Variants in TMEM71 observed in about 807,000 individuals in gnomAD.
TMEM71 encodes transmembrane protein 71.
A neutral mutation model predicts 38.0 loss-of-function variants in TMEM71; 44 were observed. That is an observed-to-expected ratio of 1.16 (90% CI 0.91 to 1.49). TMEM71 has a LOEUF of 1.49. Among genes scored for constraint, TMEM71 ranks in the 40% most tolerant of loss-of-function variants. The probability of loss-of-function intolerance (pLI) is 0.00; values close to 1 mark genes in which losing one functional copy is unlikely to be tolerated. For synonymous variants in TMEM71, 133 were observed against 122.5 expected (o/e 1.09, Z -0.56); for missense variants, 367 against 348.6 (o/e 1.05, Z -0.42).
At chr8:132,758,556 A>C (rs1829158389) in intron 2 of TMEM71, 1 of 350,880 alleles carries the variant, frequency 2.8e-6, no homozygotes, top group Non-Finnish European at 5.1e-6. Context: ...ACAGTTTTGC[A>C]TCTTAATAGT....
chr8:132,752,049 C>G, intron 3 of TMEM71, 52 bp from the exon 4 acceptor site: 2 of 1,433,650 alleles, frequency 1.4e-6, no homozygotes, highest in Non-Finnish European at 2.0e-6. Context: ...ACATCCAGTC[C>G]CAAATAAACC....
At chr8:132,759,099 A>G (rs1335270514) in intron 1 of TMEM71, among the ~76,000 whole-genome samples, 184 bp from the exon 2 acceptor site, 1 of 152,194 alleles carries the variant, frequency 6.6e-6, no homozygotes, top group Non-Finnish European at 1.5e-5. Flanking sequence ...TGCCTCTATG[A>G]CTGAACATTT....
chr8:132,767,478 G>GT, the TMEM71 span, among the ~76,000 whole-genome samples: 39,563 of 137,434 alleles, frequency 0.29, 6,256 homozygotes, highest in South Asian at 0.46. Flanking sequence ...TACCTCTTTG[G>GT]TTTTTTTTTT....
At chr8:132,771,711 T>C in the TMEM71 span, among the ~76,000 whole-genome samples, 2 of 152,240 alleles carry the variant, frequency 1.3e-5, no homozygotes, top group East Asian at 1.9e-4. Context: ...TCCTTAGAGT[T>C]GGCTCATTCT....
intron 6 of TMEM71, among the ~76,000 whole-genome samples, chr8:132,724,052 A>G (rs760200976): frequency 6.6e-6 from 1 of 152,210 alleles, no homozygotes; most frequent in Non-Finnish European, 1.5e-5. Context: ...AACAGCAAGT[A>G]GGTCACAAAG....
At chr8:132,711,327 T>C (rs1040452351) in intron 9 of TMEM71, among the ~76,000 whole-genome samples, 1 of 152,176 alleles carries the variant, frequency 6.6e-6, no homozygotes, top group African/African-American at 2.4e-5. Flanking sequence ...GTATTTTAAT[T>C]GCACTTTAAG....
chr8:132,720,483 A>T (rs746195144), intron 7 of TMEM71, among the ~76,000 whole-genome samples: 1 of 152,224 alleles, frequency 6.6e-6, no homozygotes, highest in Non-Finnish European at 1.5e-5. Context: ...ATGGTCTTCC[A>T]GTTTGGGATA....
chr8:132,775,718 G>A, the TMEM71 span: 4 of 308,860 alleles, frequency 1.3e-5, no homozygotes, highest in South Asian at 4.8e-4. Context: ...CCCCATTCTG[G>A]TGTCTCTCTT....
At chr8:132,770,119 A>G in the TMEM71 span, among the ~76,000 whole-genome samples, 2 of 152,220 alleles carry the variant, frequency 1.3e-5, no homozygotes, top group African/African-American at 4.8e-5. Context: ...CTCTAAAATC[A>G]AACACCTACA....
intron 5 of TMEM71, among the ~76,000 whole-genome samples, chr8:132,728,855 G>A (rs751456459): frequency 3.3e-5 from 5 of 152,166 alleles, no homozygotes; most frequent in Admixed American, 2.0e-4. Flanking sequence ...GAGTGGCAGG[G>A]AAGAAAATAT....
intron 3 of TMEM71, 91 bp from the exon 4 acceptor site, chr8:132,752,088 A>C: frequency 9.7e-7 from 1 of 1,033,682 alleles, no homozygotes; most frequent in Non-Finnish European, 1.5e-6. Context: ...GGAAAATAAC[A>C]TCTTTGCATC....
At chr8:132,709,343 G>C (rs1432136750), downstream of TMEM71, among the ~76,000 whole-genome samples, 2 of 152,174 alleles carry the variant, frequency 1.3e-5, no homozygotes, top group African/African-American at 2.4e-5. Flanking sequence ...AAAGGCATGG[G>C]ACATATCCCA....
intron 3 of TMEM71, among the ~76,000 whole-genome samples, chr8:132,756,414 TATATATA>T (rs1829015754): frequency 8.2e-5 from 5 of 61,218 alleles, no homozygotes; most frequent in South Asian, 1.8e-3. Context: ...ATATATATTA[TATATATA>T]TATATATATA....
chr8:132,722,107 A>G lies in TMEM71; in HGVS notation c.685T>C (p.Leu229=). Residue 229 remains leucine (L), a synonymous_variant, in exon 7 of 10, where the codon TTG becomes CTG. Coordinates refer to ENST00000677595, the MANE Select transcript of TMEM71 (RefSeq NM_001382403.1). The stretch of plus-strand genomic sequence containing the variant: ...GCCTGAAAGAAGACCTCTTGCAACA[A>G]CCTGGTTTCTAATAGGAAGAACAAA... ...ENSSDHSETR[L]LQEVFFQAIL... The G allele has an allele frequency of 6.2e-7, 1 of 1,612,970 alleles. No homozygotes were observed. Among genetic ancestry groups the G allele is most frequent in the Non-Finnish European group, 8.5e-7 (1 of 1,179,042 alleles).
At chr8:132,752,367 C>G (rs1215128691) in intron 3 of TMEM71, among the ~76,000 whole-genome samples, 1 of 152,118 alleles carries the variant, frequency 6.6e-6, no homozygotes, top group East Asian at 1.9e-4. Flanking sequence ...GTTGCCAGAT[C>G]TTTAATCTTG....
intron 5 of TMEM71, among the ~76,000 whole-genome samples, chr8:132,735,635 A>T (rs1827705655): frequency 6.6e-6 from 1 of 152,220 alleles, no homozygotes; most frequent in Non-Finnish European, 1.5e-5. Context: ...TTTTAATAAG[A>T]TACCTCATGC....
intron 5 of TMEM71, among the ~76,000 whole-genome samples, chr8:132,730,651 T>G (rs546788778): frequency 7.0e-4 from 106 of 152,272 alleles, no homozygotes; most frequent in Non-Finnish European, 1.2e-3. Context: ...GTGTTTTTTG[T>G]TTTTTTGTGG....
chr8:132,763,077 G>A (rs1218595060), upstream of TMEM71, among the ~76,000 whole-genome samples: 1 of 152,072 alleles, frequency 6.6e-6, no homozygotes, highest in Non-Finnish European at 1.5e-5. Flanking sequence ...TTTGAGGTTA[G>A]TGTTCCCTCA....
chr8:132,717,628 A>G (rs1826605359), intron 7 of TMEM71, among the ~76,000 whole-genome samples: 1 of 152,216 alleles, frequency 6.6e-6, no homozygotes, highest in Non-Finnish European at 1.5e-5. Flanking sequence ...GATTCCTCAT[A>G]CATTGCTGGT....
Sources: gnomAD v4.1 joint callset for allele counts (sites outside exome capture counted in the v4.1 genomes callset) on GRCh38, gnomAD v4.1.1 for gene constraint, MANE v1.5 for transcripts, NCBI Gene and HGNC (gene_info 2026-07-23, HGNC 2026-07-21) for gene names.